STXBP5L: variants seen among roughly 807,000 people sequenced by gnomAD.
The protein encoded by STXBP5L is syntaxin binding protein 5L.
A neutral mutation model predicts 144.5 loss-of-function variants in STXBP5L; 65 were observed. The observed-to-expected ratio is 0.45, with a 90% confidence interval of 0.37 to 0.55. The LOEUF (loss-of-function observed/expected upper bound fraction) is 0.55. Ranked by LOEUF, STXBP5L falls within the 20% of genes least tolerant of loss-of-function variation. The pLI, the probability that STXBP5L is intolerant of heterozygous loss-of-function variation, is 0.00. For missense variants in STXBP5L, 1,298 were observed against 1,405.5 expected (o/e 0.92, Z 1.22); for synonymous variants, 505 against 469.6 (o/e 1.08, Z -0.97).
intron 2 of STXBP5L, among the ~76,000 whole-genome samples, chr3:120,935,174 T>G (rs1710199228): frequency 6.6e-6 from 1 of 151,872 alleles, no homozygotes; most frequent in Admixed American, 6.5e-5. Context: ...TTTTTATACT[T>G]TTTTTAGTGG....
At chr3:121,233,922 C>G (rs548739831) in intron 12 of STXBP5L, among the ~76,000 whole-genome samples, 1 of 152,210 alleles carries the variant, frequency 6.6e-6, no homozygotes, top group African/African-American at 2.4e-5. Context: ...ATTGGAGACT[C>G]AGGACACATA....
chr3:120,958,130 C>T lies in STXBP5L; in HGVS notation c.287+3093C>T, dbSNP rs1013051473. 3.3e-5 allele frequency among the ~76,000 whole-genome samples: 5 copies of T among 152,154 alleles called. No individual in the cohort carries two copies. The South Asian group carries it at 1.0e-3, about 31-fold the overall frequency. ...TACCATCACAGAATACTATAAACAA[C>T]TCTATGCAAATAAACTAGAAAATCT... On this transcript the variant is annotated intron_variant, in intron 3 of 26. Coordinates refer to ENST00000471454, the MANE Select transcript of STXBP5L (RefSeq NM_001308330.2).
At chr3:120,971,377 C>G (rs1020051367) in intron 3 of STXBP5L, among the ~76,000 whole-genome samples, 1 of 151,826 alleles carries the variant, frequency 6.6e-6, no homozygotes, top group African/African-American at 2.4e-5. Flanking sequence ...ACCCGCACCC[C>G]CCCCAACTCC....
intron 5 of STXBP5L, among the ~76,000 whole-genome samples, chr3:121,060,313 G>A: frequency 6.6e-6 from 1 of 152,098 alleles, no homozygotes; most frequent in East Asian, 1.9e-4. Flanking sequence ...TGCTTCCCAG[G>A]GATGAAGCTG....
chr3:121,033,323 A>G (rs1188197779), intron 3 of STXBP5L, among the ~76,000 whole-genome samples: 1 of 120,780 alleles, frequency 8.3e-6, no homozygotes, highest in Non-Finnish European at 1.7e-5. Context: ...TCGCAAGAAC[A>G]AAAAACCAAA....
intron 20 of STXBP5L, among the ~76,000 whole-genome samples, chr3:121,337,800 T>C (rs1364631302): frequency 6.6e-6 from 1 of 152,076 alleles, no homozygotes; most frequent in Non-Finnish European, 1.5e-5. Context: ...ACAGACCATA[T>C]GATAGTCCAC....
chr3:121,018,273 T>G (rs968569588), intron 3 of STXBP5L, among the ~76,000 whole-genome samples: 1 of 152,048 alleles, frequency 6.6e-6, no homozygotes, highest in Non-Finnish European at 1.5e-5. Flanking sequence ...ACCAACACAA[T>G]CTTGAAGGAG....
chr3:121,107,951 A>C (rs1271431922), intron 5 of STXBP5L, among the ~76,000 whole-genome samples: 1 of 151,942 alleles, frequency 6.6e-6, no homozygotes, highest in Non-Finnish European at 1.5e-5. Context: ...CTGTATTCCT[A>C]GTTATTTTAT....
intron 3 of STXBP5L, among the ~76,000 whole-genome samples, chr3:120,964,253 T>G (rs567005261): frequency 1.3e-5 from 2 of 152,126 alleles, no homozygotes; most frequent in Non-Finnish European, 2.9e-5. Flanking sequence ...TTTTGAAGGG[T>G]TTTTTGTGTC....
intron 3 of STXBP5L, among the ~76,000 whole-genome samples, chr3:120,964,337 G>T (rs1939279278): frequency 6.6e-6 from 1 of 152,044 alleles, no homozygotes; most frequent in South Asian, 2.1e-4. Flanking sequence ...GTTTGCTCTT[G>T]CTTCTCTAGT....
At chr3:121,360,895 T>G (rs1180843457) in intron 20 of STXBP5L, among the ~76,000 whole-genome samples, 1 of 152,178 alleles carries the variant, frequency 6.6e-6, no homozygotes, top group Non-Finnish European at 1.5e-5. Context: ...GTTTTGTACC[T>G]TCAGGTGGTT....
chr3:121,206,791 G>A (rs1443619559), intron 10 of STXBP5L, among the ~76,000 whole-genome samples: 1 of 152,130 alleles, frequency 6.6e-6, no homozygotes, highest in South Asian at 2.1e-4. Context: ...TTCAACCTGT[G>A]CAACAGAGCG....
chr3:121,406,141 C>A (rs2046989159), intron 22 of STXBP5L, among the ~76,000 whole-genome samples: 1 of 151,936 alleles, frequency 6.6e-6, no homozygotes, highest in Non-Finnish European at 1.5e-5. Flanking sequence ...ATCCCTTAAC[C>A]CTTAAACTGC....
chr3:121,121,040 T>C (rs918412693), intron 6 of STXBP5L, among the ~76,000 whole-genome samples: 3 of 151,286 alleles, frequency 2.0e-5, no homozygotes, highest in African/African-American at 7.2e-5. Flanking sequence ...CAATATTCTG[T>C]TAGACTCATA....
intron 22 of STXBP5L, among the ~76,000 whole-genome samples, chr3:121,396,380 T>G (rs1330924135): frequency 6.6e-6 from 1 of 152,228 alleles, no homozygotes; most frequent in Non-Finnish European, 1.5e-5. Context: ...TAGTATAGCC[T>G]GGGGCATTAT....
chr3:121,406,113 T>C (rs1158452769), intron 22 of STXBP5L, among the ~76,000 whole-genome samples: 1 of 152,034 alleles, frequency 6.6e-6, no homozygotes, highest in African/African-American at 2.4e-5. Flanking sequence ...CATGGGAGAT[T>C]GGGAGAGATG....
intron 5 of STXBP5L, among the ~76,000 whole-genome samples, chr3:121,066,749 G>T (rs2041569757): frequency 6.6e-6 from 1 of 151,976 alleles, no homozygotes; most frequent in Admixed American, 6.6e-5. Flanking sequence ...AATGGGGGAT[G>T]TTTCCTTTTT....
intron 7 of STXBP5L, among the ~76,000 whole-genome samples, chr3:121,130,012 G>A (rs775619701): frequency 2.0e-5 from 3 of 152,164 alleles, no homozygotes; most frequent in African/African-American, 7.2e-5. Context: ...TTGAATCATA[G>A]TTTATAATGT....
Position 121,007,472 on chromosome 3 carries a change from A to T in STXBP5L, c.288-34228A>T, listed in dbSNP as rs1944423130. On this transcript the variant is annotated intron_variant, in intron 3 of 26. Transcript: ENST00000471454. ...GAAATTAGTGTTTTTTTAATTCCTTAAATGTTTGCTGGAATTCAACAGTGA... is the reference window on the plus strand; with the variant it reads ...GAAATTAGTGTTTTTTTAATTCCTTTAATGTTTGCTGGAATTCAACAGTGA... Among the ~76,000 whole-genome samples, 2 of 151,986 alleles carry T rather than the reference A, an allele frequency of 1.3e-5. 1 individual carries two copies. The highest frequency in any genetic ancestry group is 4.1e-4 in the South Asian group (2 of 4,832).
Sources: allele counts gnomAD v4.1 joint callset (sites outside exome capture counted in the v4.1 genomes callset), GRCh38; gene constraint gnomAD v4.1.1; transcripts MANE v1.5; gene names NCBI Gene and HGNC (gene_info 2026-07-23, HGNC 2026-07-21).